Variants in RARB observed in about 807,000 individuals in gnomAD.
RARB encodes retinoic acid receptor beta.
Under a neutral mutation model 51.9 loss-of-function variants are expected in RARB, and 17 were observed. The observed-to-expected ratio is 0.33, with a 90% CI of 0.22 to 0.49. The LOEUF (loss-of-function observed/expected upper bound fraction) is 0.49. Among genes scored for constraint, RARB ranks in the 20% least tolerant of loss-of-function variants. RARB has a pLI of 0.99. For missense variants in RARB, 369 were observed against 550.8 expected, an observed-to-expected ratio of 0.67 and a Z score of 3.30; for synonymous variants, 215 against 195.4, an observed-to-expected ratio of 1.10 and a Z score of -0.84.
chr3:25,585,459 G>A (rs905550781), intron 5 of RARB, among the ~76,000 whole-genome samples: 1 of 152,236 alleles, frequency 6.6e-6, no homozygotes, highest in Non-Finnish European at 1.5e-5. Context: ...TGCTTTGCCA[G>A]GGTTTGTTTA....
intron 2 of RARB, among the ~76,000 whole-genome samples, chr3:25,016,889 T>C (rs779259361): frequency 1.3e-5 from 2 of 152,156 alleles, no homozygotes; most frequent in Non-Finnish European, 2.9e-5. Flanking sequence ...TGATTTATAC[T>C]ATCCCCTTAG....
At chr3:25,276,799 C>T (rs17016135) in intron 5 of RARB, among the ~76,000 whole-genome samples, 7,515 of 152,252 alleles carry the variant, frequency 0.049, 464 homozygotes, top group East Asian at 0.37. Context: ...CAAGTTTTGT[C>T]AAACCAATCG....
intron 1 of RARB, among the ~76,000 whole-genome samples, chr3:24,843,376 TACTAGCTGTGGG>T (rs1376254767): frequency 4.6e-5 from 7 of 152,180 alleles, no homozygotes; most frequent in Non-Finnish European, 1.0e-4. Flanking sequence ...CTTTAATACT[TACTAGCTGTGGG>T]ACCTCAGAAA....
chr3:25,500,561 C>A (rs1006906303), intron 2 of RARB, among the ~76,000 whole-genome samples: 1 of 148,148 alleles, frequency 6.8e-6, no homozygotes, highest in Non-Finnish European at 1.5e-5. Flanking sequence ...CTCACTGCAA[C>A]CTCTGCCTCC....
chr3:24,976,681 C>G (rs181020455), intron 2 of RARB, among the ~76,000 whole-genome samples: 1 of 152,070 alleles, frequency 6.6e-6, no homozygotes, highest in African/African-American at 2.4e-5. Context: ...GATGGATAGA[C>G]TACAAAAATT....
intron 2 of RARB, among the ~76,000 whole-genome samples, chr3:25,025,450 T>A (rs1175958616): frequency 1.4e-4 from 21 of 152,232 alleles, no homozygotes; most frequent in Admixed American, 1.4e-3. Flanking sequence ...GGGATTGCAA[T>A]CTTGACCCAG....
At chr3:25,429,687 T>C (rs1708125833) in intron 1 of RARB, among the ~76,000 whole-genome samples, 1 of 152,152 alleles carries the variant, frequency 6.6e-6, no homozygotes, top group South Asian at 2.1e-4. Context: ...ATTGACTATT[T>C]TGTTATCTGA....
At chr3:24,970,758 A>C (rs943610926) in intron 2 of RARB, among the ~76,000 whole-genome samples, 1 of 152,006 alleles carries the variant, frequency 6.6e-6, no homozygotes, top group African/African-American at 2.4e-5. Context: ...CTTTGTGTGG[A>C]GTAATTCTAG....
intron 2 of RARB, among the ~76,000 whole-genome samples, chr3:25,483,527 CTTTTTTTTTTTTTT>C (rs199602182): frequency 1.5e-4 from 17 of 113,682 alleles, no homozygotes; most frequent in African/African-American, 4.4e-4. Flanking sequence ...CATATTTCTT[CTTTTTTTTTTTTTT>C]TTTTTTCACT....
intron 5 of RARB, among the ~76,000 whole-genome samples, chr3:25,385,646 T>A (rs560071760): frequency 3.4e-4 from 50 of 146,146 alleles, no homozygotes; most frequent in African/African-American, 5.8e-4. Flanking sequence ...GCATTTAAAA[T>A]ATATATATAT....
intron 5 of RARB, among the ~76,000 whole-genome samples, chr3:25,405,728 A>G (rs1412994324): frequency 6.6e-6 from 1 of 152,224 alleles, no homozygotes; most frequent in African/African-American, 2.4e-5. Flanking sequence ...GCATGTGGCT[A>G]ATGATGCATT....
chr3:25,210,526 A>ATTTTTTTTTTTTTTTTTT (rs1701666170), intron 5 of RARB, among the ~76,000 whole-genome samples: 1 of 33,490 alleles, frequency 3.0e-5, no homozygotes, highest in Non-Finnish European at 7.8e-5. Flanking sequence ...TCTTTATCTG[A>ATTTTTTTTTTTTTTTTTT]TTCTTTTTTT....
At chr3:24,982,640 C>T (rs75856529) in intron 2 of RARB, among the ~76,000 whole-genome samples, 1,527 of 152,252 alleles carry the variant, frequency 0.01, 8 homozygotes, top group Middle Eastern at 0.02. Context: ...ACATAAGCTC[C>T]CCTCCTCCCT....
At chr3:25,362,005 G>T (rs1164470724) in intron 5 of RARB, among the ~76,000 whole-genome samples, 1 of 152,210 alleles carries the variant, frequency 6.6e-6, no homozygotes, top group Non-Finnish European at 1.5e-5. Flanking sequence ...GAGCTTGAGT[G>T]CTATGCTGGG....
At chr3:24,994,763 T>C (rs1411983447) in intron 2 of RARB, among the ~76,000 whole-genome samples, 2 of 152,118 alleles carry the variant, frequency 1.3e-5, no homozygotes, top group African/African-American at 4.8e-5. Context: ...CTTTCCCCAT[T>C]GTATGTTCTT....
chr3:25,153,303 T>TAAAA, intron 4 of RARB, among the ~76,000 whole-genome samples: 1 of 152,306 alleles, frequency 6.6e-6, no homozygotes, highest in African/African-American at 2.4e-5. Flanking sequence ...TCCGCAGACT[T>TAAAA]TTAACAAGCA....
At chr3:24,960,367 T>G (rs188660352) in intron 2 of RARB, among the ~76,000 whole-genome samples, 28 of 152,360 alleles carry the variant, frequency 1.8e-4, no homozygotes, top group Non-Finnish European at 3.4e-4. Flanking sequence ...ATGTGTTTCT[T>G]GGAAAAACAT....
chr3:24,832,651 A>ATAT (rs1553606277), intron 1 of RARB, among the ~76,000 whole-genome samples: 6 of 136,798 alleles, frequency 4.4e-5, no homozygotes, highest in Non-Finnish European at 7.8e-5. Context: ...ATATATATAT[A>ATAT]ATGTCAATTA....
intron 5 of RARB, among the ~76,000 whole-genome samples, chr3:25,204,281 C>T (rs551250636): frequency 6.6e-6 from 1 of 152,286 alleles, no homozygotes; most frequent in South Asian, 2.1e-4. Flanking sequence ...TCCATCAGGT[C>T]CTTTAAGGAC....
Sources: gnomAD v4.1 joint callset for allele counts (sites outside exome capture counted in the v4.1 genomes callset) on GRCh38, gnomAD v4.1.1 for gene constraint, MANE v1.5 for transcripts, NCBI Gene and HGNC (gene_info 2026-07-23, HGNC 2026-07-21) for gene names.